The following HIVEP1 variants were observed in gnomAD, a reference collection of about 807,000 sequenced individuals.
The protein encoded by HIVEP1 is zinc finger protein 40.
A neutral mutation model predicts 180.0 loss-of-function variants in HIVEP1; 36 were observed. The ratio of observed to expected loss-of-function variants is 0.20; its 90% CI spans 0.15 to 0.26. The LOEUF (loss-of-function observed/expected upper bound fraction) is 0.26, where lower values mean the gene tolerates loss of function less well. Ranked by LOEUF, HIVEP1 falls within the 10% of genes least tolerant of loss-of-function variation. HIVEP1 has a pLI of 1.00. For synonymous variants in HIVEP1, 1,239 were observed against 1,239.0 expected (o/e 1.00, Z 0.00); for missense variants, 3,143 against 3,268.7 (o/e 0.96, Z 0.94).
At chr6:12,165,811 C>T (rs547127016), downstream of HIVEP1, among the ~76,000 whole-genome samples, 29 of 152,298 alleles carry the variant, frequency 1.9e-4, no homozygotes, top group African/African-American at 6.5e-4. Context: ...AGGTAGGGGA[C>T]AGCCTATCTA....
chr6:12,208,419 C>T, the HIVEP1 span, among the ~76,000 whole-genome samples: 1 of 152,138 alleles, frequency 6.6e-6, no homozygotes, highest in Non-Finnish European at 1.5e-5. Context: ...TCACCTGATA[C>T]TGGAGTCTCA....
chr6:12,028,872 C>T (rs1768753238), intron 2 of HIVEP1, among the ~76,000 whole-genome samples: 1 of 152,334 alleles, frequency 6.6e-6, no homozygotes, highest in Non-Finnish European at 1.5e-5. Context: ...TCCTTGCTCC[C>T]ACTGTCAGCT....
the HIVEP1 span, among the ~76,000 whole-genome samples, chr6:12,170,021 T>TGAGGCAGGAGAATGGCATGAACCTGG: frequency 6.6e-6 from 1 of 151,988 alleles, no homozygotes; most frequent in East Asian, 1.9e-4. Flanking sequence ...CTTGGGAGGC[T>TGAGGCAGGAGAATGGCATGAACCTGG]GAGGCAGGAG....
intron 2 of HIVEP1, among the ~76,000 whole-genome samples, chr6:12,060,674 G>A (rs944587366): frequency 1.3e-5 from 2 of 152,158 alleles, no homozygotes; most frequent in South Asian, 4.1e-4. Context: ...CTGAGATACT[G>A]TGTCAGTAAA....
At chr6:12,051,114 G>A (rs1770512621) in intron 2 of HIVEP1, among the ~76,000 whole-genome samples, 2 of 149,320 alleles carry the variant, frequency 1.3e-5, no homozygotes, top group Non-Finnish European at 3.0e-5. Flanking sequence ...CTCTCACAGC[G>A]AGAATGCTTG....
the HIVEP1 span, among the ~76,000 whole-genome samples, chr6:12,186,671 C>A: frequency 1.3e-5 from 2 of 151,702 alleles, no homozygotes; most frequent in African/African-American, 4.8e-5. Context: ...AGAAAGGCAA[C>A]AAAATCCAAA....
intron 2 of HIVEP1, among the ~76,000 whole-genome samples, chr6:12,043,162 C>T (rs572640819): frequency 6.6e-6 from 1 of 152,212 alleles, no homozygotes; most frequent in African/African-American, 2.4e-5. Context: ...TTTGCCTTCA[C>T]TGTACTTTTT....
At chr6:12,169,940 G>A (rs894637959), downstream of HIVEP1, among the ~76,000 whole-genome samples, 15 of 152,012 alleles carry the variant, frequency 9.9e-5, no homozygotes, top group African/African-American at 2.9e-4. Flanking sequence ...CTAACACAGC[G>A]AAACCCTGTC....
At chr6:12,067,989 T>C (rs1397790020) in intron 2 of HIVEP1, among the ~76,000 whole-genome samples, 1 of 152,196 alleles carries the variant, frequency 6.6e-6, no homozygotes, top group Non-Finnish European at 1.5e-5. Flanking sequence ...CTTATATTTT[T>C]CATACCTTTT....
Position 12,119,959 on chromosome 6 carries a change from C to G in HIVEP1, c.164C>G (p.Ala55Gly). 6.2e-7 allele frequency: 1 copy of G among 1,609,028 alleles called. No individual in the cohort carries two copies. The highest frequency in any genetic ancestry group is 8.5e-7 in the Non-Finnish European group (1 of 1,178,716). ...GGTGTGAAACGCAAAAAGATCGTAGCTGAGAATCACCTGAAAAAAATACCA... is the reference window on the plus strand; with the variant it reads ...GGTGTGAAACGCAAAAAGATCGTAGGTGAGAATCACCTGAAAAAAATACCA... ...LKGVKRKKIV[A>G]ENHLKKIPKS... The change falls in exon 4 of 9, where the codon GCT becomes GGT. Residue 55 changes from alanine (A) to glycine (G), a missense_variant. Ala to Gly is a moderately conservative substitution (Grantham distance 60, BLOSUM62 0). Coordinates refer to ENST00000379388, the MANE Select transcript of HIVEP1 (RefSeq NM_002114.4).
intron 7 of HIVEP1, among the ~76,000 whole-genome samples, chr6:12,151,320 T>G (rs1371743220): frequency 1.3e-5 from 2 of 152,164 alleles, no homozygotes; most frequent in Non-Finnish European, 2.9e-5. Flanking sequence ...GGACCATTTA[T>G]TTATGAATTT....
intron 2 of HIVEP1, among the ~76,000 whole-genome samples, chr6:12,052,615 A>C (rs1045639711): frequency 1.3e-5 from 2 of 152,230 alleles, no homozygotes; most frequent in Non-Finnish European, 2.9e-5. Context: ...AGCACTATTT[A>C]ATTTTTTGTT....
intron 2 of HIVEP1, among the ~76,000 whole-genome samples, chr6:12,069,183 C>T (rs1486348259): frequency 1.3e-5 from 2 of 152,212 alleles, no homozygotes; most frequent in Admixed American, 1.3e-4. Flanking sequence ...ATGGTATAGC[C>T]TATCGCTCCT....
In HIVEP1 at chr6:12,057,348, A is replaced by G. The variant is rs372372493; in HGVS notation, c.41-31836A>G. On this transcript the variant is annotated intron_variant, in intron 2 of 8. Coordinates refer to ENST00000379388, the MANE Select transcript of HIVEP1 (RefSeq NM_002114.4). ...TAACTACTGTCACCTGGAGGACTAT[A>G]GCATTGTTTGTTGGAAAGAAGACCT... is the stretch of plus-strand genomic sequence containing the variant. Among the ~76,000 whole-genome samples, 32 of 152,326 alleles carry G rather than the reference A, an allele frequency of 2.1e-4. No individual in the cohort carries two copies. The East Asian group carries it at 2.1e-3, about 10-fold the overall frequency.
intron 2 of HIVEP1, among the ~76,000 whole-genome samples, chr6:12,044,499 C>G (rs1193830505): frequency 6.6e-6 from 1 of 152,170 alleles, no homozygotes; most frequent in African/African-American, 2.4e-5. Context: ...CACCTGTGTA[C>G]AGCTGAGGGC....
At chr6:12,077,806 A>T (rs905240448) in intron 2 of HIVEP1, among the ~76,000 whole-genome samples, 15 of 152,014 alleles carry the variant, frequency 9.9e-5, no homozygotes, top group Non-Finnish European at 4.4e-5. Flanking sequence ...CCCTCTTCTT[A>T]CTCAAGAGGG....
At chr6:12,158,591 A>G (rs1231804477) in intron 7 of HIVEP1, among the ~76,000 whole-genome samples, 1 of 152,106 alleles carries the variant, frequency 6.6e-6, no homozygotes, top group Non-Finnish European at 1.5e-5. Flanking sequence ...CGATTGAGTT[A>G]CAGTCTCGTA....
chr6:12,106,375 G>GT (rs766836328), intron 3 of HIVEP1, among the ~76,000 whole-genome samples: 33 of 152,134 alleles, frequency 2.2e-4, no homozygotes, highest in Non-Finnish European at 3.4e-4. Flanking sequence ...GGGGGATGGT[G>GT]TGTTTCTTTA....
At chr6:12,147,459 G>A (rs1189963366) in intron 7 of HIVEP1, among the ~76,000 whole-genome samples, 1 of 152,128 alleles carries the variant, frequency 6.6e-6, no homozygotes. Flanking sequence ...CAAATGTTCT[G>A]GAGACAAAAG....
Sources: allele counts gnomAD v4.1 joint callset (sites outside exome capture counted in the v4.1 genomes callset), GRCh38; gene constraint gnomAD v4.1.1; transcripts MANE v1.5; gene names NCBI Gene and HGNC (gene_info 2026-07-23, HGNC 2026-07-21).